The following FBXO34 variants were observed in gnomAD, a reference collection of about 807,000 sequenced individuals.
The protein encoded by FBXO34 is F-box only protein 34.
A neutral mutation model predicts 24.5 loss-of-function variants in FBXO34; 12 were observed. The observed-to-expected ratio is 0.49, with a 90% CI of 0.31 to 0.79. FBXO34 has a LOEUF of 0.79. Among genes scored for constraint, FBXO34 ranks in the 30% least tolerant of loss-of-function variants. The pLI, the probability that FBXO34 is intolerant of heterozygous loss-of-function variation, is 0.04. For missense variants in FBXO34, 823 were observed against 857.7 expected, an observed-to-expected ratio of 0.96 and a Z score of 0.51; for synonymous variants, 320 against 311.9, an observed-to-expected ratio of 1.03 and a Z score of -0.27.
At chr14:55,349,602 A>ATTTTATTTTTTT (rs1555339656) in intron 1 of FBXO34, among the ~76,000 whole-genome samples, 1 of 90,372 alleles carries the variant, frequency 1.1e-5, no homozygotes, top group African/African-American at 5.1e-5. Context: ...GGAAGCAATA[A>ATTTTATTTTTTT]TTTTCTTTTT....
chr14:55,419,691 G>T, the FBXO34 span, among the ~76,000 whole-genome samples: 1 of 152,306 alleles, frequency 6.6e-6, no homozygotes, highest in East Asian at 1.9e-4. Flanking sequence ...ACTCAGGGGA[G>T]TAAGACCATT....
chr14:55,334,957 G>C (rs1210161165), intron 1 of FBXO34, among the ~76,000 whole-genome samples: 1 of 152,142 alleles, frequency 6.6e-6, no homozygotes, highest in Non-Finnish European at 1.5e-5. Flanking sequence ...GAGGTATAGT[G>C]GGATTTGGGG....
At chr14:55,439,552 G>A in the FBXO34 span, among the ~76,000 whole-genome samples, 585 of 151,476 alleles carry the variant, frequency 3.9e-3, 7 homozygotes, top group African/African-American at 0.014. Flanking sequence ...CACTTCGGGA[G>A]GCCAAGGTGG....
downstream of FBXO34, among the ~76,000 whole-genome samples, chr14:55,370,377 G>C (rs1004304156): frequency 1.3e-5 from 2 of 150,360 alleles, no homozygotes; most frequent in African/African-American, 2.4e-5. Flanking sequence ...AAAACTCAGT[G>C]GGTTCCTGTA....
the FBXO34 span, chr14:55,429,064 C>G: frequency 6.1e-6 from 9 of 1,479,482 alleles, no homozygotes; most frequent in East Asian, 2.0e-4. Context: ...ATTTGTACCA[C>G]GTTTATCTTT....
intron 1 of FBXO34, among the ~76,000 whole-genome samples, chr14:55,339,814 T>C (rs1401728843): frequency 6.6e-6 from 1 of 152,144 alleles, no homozygotes; most frequent in Non-Finnish European, 1.5e-5. Context: ...CTAAACAGAG[T>C]ATACCTTAAC....
At chr14:55,422,096 T>C in the FBXO34 span, among the ~76,000 whole-genome samples, 2 of 152,264 alleles carry the variant, frequency 1.3e-5, no homozygotes, top group South Asian at 4.1e-4. Context: ...AGGATAAACC[T>C]AGAGCAAAGG....
chr14:55,275,832 A>AAAC (rs1017836220), intron 1 of FBXO34, among the ~76,000 whole-genome samples: 3 of 151,116 alleles, frequency 2.0e-5, no homozygotes, highest in South Asian at 2.1e-4. Context: ...TCAAAAAAAA[A>AAAC]AAAAAAAAAC....
At chr14:55,365,362 G>A (rs553326692), downstream of FBXO34, among the ~76,000 whole-genome samples, 4 of 151,728 alleles carry the variant, frequency 2.6e-5, no homozygotes, top group East Asian at 5.8e-4. Flanking sequence ...ACTGTGCCCC[G>A]CCCTAAAAAA....
Position 55,352,608 on chromosome 14 carries a change from C to G in FBXO34, c.*82C>G. The G allele has an allele frequency of 8.8e-7, 1 of 1,130,234 alleles. No homozygotes were observed. Among genetic ancestry groups the G allele is most frequent in the South Asian group, 1.6e-5 (1 of 61,572 alleles). 70.0% of individuals were successfully genotyped at this position (1,130,234 alleles called of 1,614,324 possible). On this transcript the variant is annotated 3_prime_UTR_variant, in exon 2 of 2. Transcript: ENST00000313833. The stretch of plus-strand genomic sequence containing the variant: ...ACACCGTTCAAATGAGCGTAGCCCC[C>G]TGAGTCATCACTCTAGAAGAATCTG...
intron 1 of FBXO34, among the ~76,000 whole-genome samples, chr14:55,275,293 A>T (rs1025385346): frequency 6.6e-5 from 10 of 152,242 alleles, no homozygotes; most frequent in African/African-American, 2.2e-4. Flanking sequence ...TCAGTAGAGT[A>T]TAGGTGTAAA....
chr14:55,378,950 C>T, the FBXO34 span, among the ~76,000 whole-genome samples: 1 of 152,006 alleles, frequency 6.6e-6, no homozygotes, highest in South Asian at 2.1e-4. Context: ...TCAAGTGATC[C>T]TCCTGCCTCA....
the FBXO34 span, among the ~76,000 whole-genome samples, chr14:55,379,517 C>G: frequency 3.0e-4 from 45 of 152,106 alleles, no homozygotes; most frequent in East Asian, 1.9e-4. Context: ...TGCACTCCAG[C>G]CTGGACGACA....
intron 1 of FBXO34, among the ~76,000 whole-genome samples, chr14:55,314,766 T>C (rs1882872260): frequency 6.6e-6 from 1 of 152,236 alleles, no homozygotes; most frequent in African/African-American, 2.4e-5. Context: ...TTTATCACTA[T>C]TCTTATCCTT....
intron 1 of FBXO34, among the ~76,000 whole-genome samples, chr14:55,349,422 G>A (rs1235343281): frequency 6.6e-6 from 1 of 151,926 alleles, no homozygotes; most frequent in African/African-American, 2.4e-5. Context: ...GAATTAATAA[G>A]GACTGTAGGG....
chr14:55,373,930 G>A (rs72717736), downstream of FBXO34, among the ~76,000 whole-genome samples: 1,000 of 152,286 alleles, frequency 6.6e-3, 8 homozygotes, highest in Middle Eastern at 0.027. Flanking sequence ...TGATGAAGCA[G>A]GTGTGAAAAG....
chr14:55,440,335 C>T, the FBXO34 span: 19 of 1,597,426 alleles, frequency 1.2e-5, no homozygotes, highest in Non-Finnish European at 1.5e-5. Flanking sequence ...AAGGCAAAGC[C>T]CTTGGCACAG....
chr14:55,376,727 C>A, the FBXO34 span, among the ~76,000 whole-genome samples: 1 of 152,178 alleles, frequency 6.6e-6, no homozygotes, highest in African/African-American at 2.4e-5. Context: ...AAAGAACTTT[C>A]CCGCCATTTG....
At chr14:55,375,490 A>ATT in the FBXO34 span, among the ~76,000 whole-genome samples, 5,335 of 117,224 alleles carry the variant, frequency 0.046, 179 homozygotes, top group Non-Finnish European at 0.063. Flanking sequence ...GCCGGGCTAA[A>ATT]TTTTTTTTTT....
Sources: gnomAD v4.1 joint callset for allele counts (sites outside exome capture counted in the v4.1 genomes callset) on GRCh38, gnomAD v4.1.1 for gene constraint, MANE v1.5 for transcripts, NCBI Gene and HGNC (gene_info 2026-07-23, HGNC 2026-07-21) for gene names.